Variants in DYM observed in about 807,000 individuals in gnomAD.
DYM encodes dymeclin, also known as dyggve-Melchior-Clausen syndrome protein.
In DYM, 78 loss-of-function variants were observed where a neutral mutation model predicts 93.1. That is an observed-to-expected ratio of 0.84 (90% confidence interval 0.70 to 1.01). DYM has a LOEUF of 1.01. Among genes scored for constraint, DYM ranks in the 50% least tolerant of loss-of-function variants. DYM has a pLI of 0.00. For synonymous variants in DYM, 321 were observed against 319.7 expected, an observed-to-expected ratio of 1.00 and a Z score of -0.04; for missense variants, 789 against 845.0, an observed-to-expected ratio of 0.93 and a Z score of 0.82.
intron 8 of DYM, among the ~76,000 whole-genome samples, chr18:49,324,843 T>C (rs757291888): frequency 6.6e-6 from 1 of 152,204 alleles, no homozygotes; most frequent in Non-Finnish European, 1.5e-5. Context: ...TTCTATTTTG[T>C]ATATAATATC....
chr18:49,231,934 A>C (rs975895430), intron 13 of DYM, among the ~76,000 whole-genome samples: 1 of 152,216 alleles, frequency 6.6e-6, no homozygotes, highest in African/African-American at 2.4e-5. Flanking sequence ...CAAGAAAAGG[A>C]ACACAGGTTG....
chr18:49,459,943 T>C (rs917358398), intron 1 of DYM, among the ~76,000 whole-genome samples: 2 of 150,924 alleles, frequency 1.3e-5, no homozygotes, highest in Non-Finnish European at 2.9e-5. Context: ...TTAAAAATGC[T>C]CTGGAGTTAA....
chr18:49,364,544 C>T (rs958267401), intron 5 of DYM, among the ~76,000 whole-genome samples: 24 of 152,092 alleles, frequency 1.6e-4, no homozygotes, highest in Admixed American at 1.3e-4. Flanking sequence ...CTCTGCAATC[C>T]AAACTCCAGA....
At chr18:49,129,503 G>C (rs907443970) in intron 15 of DYM, among the ~76,000 whole-genome samples, 24 of 152,218 alleles carry the variant, frequency 1.6e-4, no homozygotes, top group Admixed American at 9.2e-4. Flanking sequence ...CTTTGGCTGA[G>C]CATGCAAGGA....
intron 8 of DYM, among the ~76,000 whole-genome samples, chr18:49,311,494 T>C (rs1262616535): frequency 1.3e-5 from 2 of 152,164 alleles, no homozygotes; most frequent in African/African-American, 4.8e-5. Flanking sequence ...CCATCAATGA[T>C]AGGCTGAATT....
chr18:49,252,216 C>CAGAAAAAAAAAAAAAAA (rs2094304203), intron 13 of DYM, among the ~76,000 whole-genome samples: 1 of 27,230 alleles, frequency 3.7e-5, no homozygotes, highest in Non-Finnish European at 5.4e-5. Context: ...AGACTTGCCT[C>CAGAAAAAAAAAAAAAAA]AAAAAAAAAA....
intron 2 of DYM, among the ~76,000 whole-genome samples, chr18:49,424,627 T>C (rs76722765): frequency 0.091 from 13,864 of 152,138 alleles, 846 homozygotes; most frequent in East Asian, 0.31. Context: ...ATGATGTGAT[T>C]GTATATTTAG....
At position 49,391,615 on chromosome 18, in the gene DYM, G is replaced by C. The variant is rs772771212; in HGVS notation, c.171C>G (p.Thr57=). The change falls in exon 3 of 18, where the codon ACC becomes ACG. Residue 57 remains threonine (T), a synonymous_variant. Coordinates refer to ENST00000675505, the MANE Select transcript of DYM (RefSeq NM_001353214.3). ...TACCTAATGACCTGCAGACTGAAAT[G>C]GTTGCTTCCTCCAAGAGTTTCAACT... ...SSELKLLEEA[T]ISVCRSLVEN... is the part of the protein sequence containing the mutation. The C allele has an allele frequency of 6.2e-7, 1 of 1,613,462 alleles. No individual in the cohort carries two copies. Among genetic ancestry groups the C allele is most frequent in the Non-Finnish European group, 8.5e-7 (1 of 1,179,638 alleles).
chr18:49,051,829 G>C (rs1187632526), intron 17 of DYM, among the ~76,000 whole-genome samples: 1 of 152,202 alleles, frequency 6.6e-6, no homozygotes, highest in Non-Finnish European at 1.5e-5. Flanking sequence ...CCAAACTGCT[G>C]TCTCCCAAGT....
intron 17 of DYM, among the ~76,000 whole-genome samples, chr18:49,069,215 A>G (rs1313096653): frequency 6.6e-6 from 1 of 152,240 alleles, no homozygotes; most frequent in East Asian, 1.9e-4. Context: ...TTATACACCA[A>G]ATCATACATT....
intron 11 of DYM, among the ~76,000 whole-genome samples, chr18:49,266,655 C>T (rs1252943428): frequency 1.3e-5 from 2 of 152,056 alleles, no homozygotes; most frequent in Non-Finnish European, 2.9e-5. Flanking sequence ...TGATGTTCAC[C>T]TAATGTTAAT....
intron 11 of DYM, among the ~76,000 whole-genome samples, chr18:49,263,960 A>G (rs2094530166): frequency 6.6e-6 from 1 of 152,172 alleles, no homozygotes; most frequent in South Asian, 2.1e-4. Context: ...AGCCTGGTAT[A>G]GAGACCACCA....
chr18:49,372,409 A>C (rs931471146), intron 5 of DYM, among the ~76,000 whole-genome samples: 1 of 152,242 alleles, frequency 6.6e-6, no homozygotes, highest in African/African-American at 2.4e-5. Context: ...ATTGGACTTA[A>C]GCTGGTGGAC....
chr18:49,272,995 C>A (rs1263532927), intron 10 of DYM, among the ~76,000 whole-genome samples: 3 of 150,616 alleles, frequency 2.0e-5, no homozygotes, highest in Non-Finnish European at 4.4e-5. Context: ...ACACTATCCA[C>A]TGAATGCTAG....
chr18:49,424,467 T>C (rs2074056872), intron 2 of DYM, among the ~76,000 whole-genome samples: 2 of 152,002 alleles, frequency 1.3e-5, no homozygotes, highest in African/African-American at 4.8e-5. Flanking sequence ...ACTGGAAGCA[T>C]TCCCTTTGAA....
intron 3 of DYM, among the ~76,000 whole-genome samples, chr18:49,383,258 A>G (rs1194705493): frequency 6.6e-6 from 1 of 152,216 alleles, no homozygotes; most frequent in Non-Finnish European, 1.5e-5. Flanking sequence ...TGTGATATTA[A>G]AAGTTGTTTT....
intron 17 of DYM, among the ~76,000 whole-genome samples, chr18:49,094,641 A>G (rs2079380470): frequency 6.6e-6 from 1 of 152,244 alleles, no homozygotes; most frequent in Non-Finnish European, 1.5e-5. Context: ...GCATTCCCAC[A>G]TAGGATATTA....
chr18:49,454,379 C>T (rs1284999511), intron 1 of DYM, among the ~76,000 whole-genome samples: 1 of 152,164 alleles, frequency 6.6e-6, no homozygotes, highest in South Asian at 2.1e-4. Context: ...ATAATGCCTG[C>T]AGAAACTAAG....
intron 14 of DYM, among the ~76,000 whole-genome samples, chr18:49,187,640 A>C (rs1242519562): frequency 6.6e-6 from 1 of 152,234 alleles, no homozygotes; most frequent in Non-Finnish European, 1.5e-5. Flanking sequence ...ATATCTAAAA[A>C]TAACAGAATG....
Sources: allele counts gnomAD v4.1 joint callset (sites outside exome capture counted in the v4.1 genomes callset), GRCh38; gene constraint gnomAD v4.1.1; transcripts MANE v1.5; gene names NCBI Gene and HGNC (gene_info 2026-07-23, HGNC 2026-07-21).